The following SP1 variants were observed in gnomAD, a reference collection of about 807,000 sequenced individuals.
The protein encoded by SP1 is Sp1 transcription factor.
A neutral mutation model predicts 66.3 loss-of-function variants in SP1; 6 were observed. The ratio of observed to expected loss-of-function variants is 0.09; its 90% CI spans 0.05 to 0.18. SP1 has a LOEUF of 0.18. SP1 is among the 10% of genes least tolerant of loss of function. The pLI is 1.00. For missense variants in SP1, 848 were observed against 964.5 expected (o/e 0.88, Z 1.60); for synonymous variants, 417 against 360.8 (o/e 1.16, Z -1.77).
At chr12:53,391,812 C>CA (rs1407138530) in intron 3 of SP1, among the ~76,000 whole-genome samples, 4 of 151,110 alleles carry the variant, frequency 2.6e-5, no homozygotes, top group Non-Finnish European at 5.9e-5. Flanking sequence ...CATGAATACT[C>CA]AATGTTTAGC....
chr12:53,410,333 G>C (rs1015258344), intron 5 of SP1, among the ~76,000 whole-genome samples: 2 of 151,848 alleles, frequency 1.3e-5, no homozygotes, highest in Admixed American at 6.6e-5. Context: ...AAAATAAGGA[G>C]CTAGATTTTG....
rs751465283 is a variant in SP1, at chr12:53,382,794, G to A, written c.847G>A (p.Ala283Thr). 1 of 1,614,134 alleles carries A rather than the reference G, an allele frequency of 6.2e-7. No homozygotes were observed. Among genetic ancestry groups the A allele is most frequent in the South Asian group, 1.1e-5 (1 of 91,080 alleles). Residue 283 changes from alanine (A) to threonine (T), a missense_variant, in exon 3 of 6, where the codon GCA becomes ACA. Ala to Thr is a moderately conservative substitution (Grantham distance 58, BLOSUM62 0). Transcript: ENST00000327443. ...AGCTACCTTGACTCCCAGCTCTCAG[G>A]CAGTCACGATCAGCAGCTCTGGGTC... is the stretch of plus-strand genomic sequence containing the variant. Reference protein sequence around the residue: ...SAATLTPSSQAVTISSSGSQE... With the variant: ...SAATLTPSSQTVTISSSGSQE...
At chr12:53,380,745 C>A (rs1267812341) in intron 1 of SP1, 7 of 683,380 alleles carry the variant, frequency 1.0e-5, no homozygotes, top group Non-Finnish European at 1.3e-5. Context: ...TTCCCCCCCG[C>A]CCCCCACCGT....
intron 3 of SP1, among the ~76,000 whole-genome samples, chr12:53,398,651 G>T (rs544732652): frequency 9.4e-4 from 143 of 152,258 alleles, no homozygotes; most frequent in African/African-American, 3.2e-3. Flanking sequence ...GAATAAATAC[G>T]ATGTGAAGGA....
rs1938869998 is a variant in SP1 at position 53,411,027 on chromosome 12, A to G, written c.2145A>G (p.Pro715=). 6.2e-7 allele frequency: 1 copy of G among 1,614,200 alleles called. No individual in the cohort carries two copies. The part of the protein sequence containing the change: ...IKTHQNKKGG[P]GVALSVGTLP... ...CCCACCAGAATAAGAAGGGAGGCCC[A>G]GGTGTAGCTCTGAGTGTGGGCACTT... The change falls in exon 6 of 6, where the codon CCA becomes CCG. Residue 715 remains proline, a synonymous_variant. Coordinates refer to ENST00000327443, the MANE Select transcript of SP1 (RefSeq NM_138473.3).
chr12:53,382,254 G>T lies in SP1; in HGVS notation c.307G>T (p.Gly103Cys). Residue 103 changes from glycine (G) to cysteine (C), a missense_variant, in exon 3 of 6, where the codon GGT becomes TGT. Around this residue, in one of 7 missense-constraint regions of SP1, gnomAD observed 606 missense variants for 589.9 expected, o/e 1.03. Transcript: ENST00000327443. Reference sequence around the variant, plus strand: ...CCTCACAGCCACACAACTTTCACAGGGTGCCAATGGCTGGCAGATCATCTC... The same window carrying T: ...CCTCACAGCCACACAACTTTCACAGTGTGCCAATGGCTGGCAGATCATCTC... ...LDLTATQLSQGANGWQIISSS... is the reference protein window; with the variant it reads ...LDLTATQLSQCANGWQIISSS... 1 of 1,614,164 alleles carries T rather than the reference G, an allele frequency of 6.2e-7. No homozygotes were observed. The highest frequency in any genetic ancestry group is 8.5e-7 in the Non-Finnish European group (1 of 1,180,030).
intron 5 of SP1, 58 bp downstream of exon 5, chr12:53,409,619 A>G (rs1938833033): frequency 7.5e-7 from 1 of 1,338,760 alleles, no homozygotes; most frequent in East Asian, 2.3e-5. Flanking sequence ...AAAACACAAA[A>G]TATACCTACA....
chr12:53,410,883 A>G (rs927864777), intron 5 of SP1, 44 bp from the exon 6 acceptor site: 2 of 1,452,532 alleles, frequency 1.4e-6, no homozygotes, highest in African/African-American at 2.8e-5. Context: ...AGGTAACCTC[A>G]CTTCCTAACA....
rs115315756 is a variant in SP1 at position 53,406,436 on chromosome 12, G to A, written c.1676-149G>A. 746 of 634,890 alleles carry A rather than the reference G, an allele frequency of 1.2e-3. 2 individuals carry two copies. The African/African-American group carries it at 0.013, about 11-fold the overall frequency. 39.3% of individuals were successfully genotyped at this position (634,890 alleles called of 1,614,324 possible). On this transcript the variant is annotated intron_variant, in intron 3 of 5. Coordinates refer to ENST00000327443, the MANE Select transcript of SP1 (RefSeq NM_138473.3). ...TCTTCAGGTGTCAGTGAATGGAATGGCTAAACATAAAAAGGCTTCAAAACT... is the reference window on the plus strand; with the variant it reads ...TCTTCAGGTGTCAGTGAATGGAATGACTAAACATAAAAAGGCTTCAAAACT...
rs1190339534 is a variant in SP1 at position 53,415,172 on chromosome 12, T to C, written c.*3932T>C. ...GCTTTTGAAAACTGCTGATAAAATATGAGCCGGTTATTACTTCTGTTTGGG... is the reference window on the plus strand; with the variant it reads ...GCTTTTGAAAACTGCTGATAAAATACGAGCCGGTTATTACTTCTGTTTGGG... On this transcript the variant is annotated 3_prime_UTR_variant, in exon 6 of 6. Transcript: ENST00000327443. 1 of 152,512 alleles carries C rather than the reference T, an allele frequency of 6.6e-6. No individual in the cohort carries two copies. The highest frequency in any genetic ancestry group is 2.4e-5 in the African/African-American group (1 of 41,412). 9.4% of individuals were successfully genotyped at this position (152,512 alleles called of 1,614,324 possible).
chr12:53,384,715 G>C (rs1358640900), intron 3 of SP1, among the ~76,000 whole-genome samples: 1 of 152,208 alleles, frequency 6.6e-6, no homozygotes, highest in African/African-American at 2.4e-5. Flanking sequence ...GGCCGGGTGT[G>C]GTGGCTCACG....
chr12:53,381,617 T>G, intron 1 of SP1, 42 bp from the exon 2 acceptor site: 1 of 1,549,578 alleles, frequency 6.5e-7, no homozygotes, highest in East Asian at 2.3e-5. Context: ...TCATTTCTTT[T>G]CTTCCCTCAA....
rs146192247 is a variant in SP1 at position 53,415,052 on chromosome 12, C to T, written c.*3812C>T. On this transcript the variant is annotated 3_prime_UTR_variant, in exon 6 of 6. Transcript: ENST00000327443. ...AGAATTTATCTCCCTTAGAAGAGAGCCAGTAACTTATGTACAAGGATGAAA... is the reference window on the plus strand; with the variant it reads ...AGAATTTATCTCCCTTAGAAGAGAGTCAGTAACTTATGTACAAGGATGAAA... 2.0e-5 allele frequency: 3 copies of T among 152,628 alleles called. No individual in the cohort carries two copies. In the East Asian group the frequency reaches 5.8e-4, roughly 29 times the overall value. 9.5% of individuals were successfully genotyped at this position (152,628 alleles called of 1,614,324 possible). A position where few individuals can be genotyped will look rare whatever the true frequency, so the allele number is the denominator to read the frequency against.
chr12:53,400,603 G>A (rs956487181), intron 3 of SP1, among the ~76,000 whole-genome samples: 13 of 151,728 alleles, frequency 8.6e-5, no homozygotes, highest in Non-Finnish European at 1.8e-4. Context: ...TTGTTTTTTG[G>A]GTTGTTTTGA....
At chr12:53,385,153 G>A (rs547332161) in intron 3 of SP1, among the ~76,000 whole-genome samples, 119 of 151,878 alleles carry the variant, frequency 7.8e-4, no homozygotes, top group Non-Finnish European at 1.4e-3. Context: ...AAATTAGCCA[G>A]GCATGGTGAT....
chr12:53,384,888 G>T (rs1938191450), intron 3 of SP1, among the ~76,000 whole-genome samples: 1 of 152,066 alleles, frequency 6.6e-6, no homozygotes, highest in African/African-American at 2.4e-5. Context: ...GGGAGGCTAA[G>T]GCATGAGAAT....
chr12:53,380,647 C>T, intron 1 of SP1: 1 of 994,160 alleles, frequency 1.0e-6, no homozygotes, highest in South Asian at 4.7e-5. Flanking sequence ...GCAGCGAAGG[C>T]CCCGCCCGGG....
chr12:53,393,868 G>A (rs1250910463), intron 3 of SP1, among the ~76,000 whole-genome samples: 1 of 151,622 alleles, frequency 6.6e-6, no homozygotes, highest in East Asian at 2.0e-4. Flanking sequence ...AAAGTGCTGG[G>A]ATTACACTTG....
intron 4 of SP1, among the ~76,000 whole-genome samples, chr12:53,407,172 T>G (rs1007434710): frequency 2.0e-5 from 3 of 150,984 alleles, no homozygotes; most frequent in African/African-American, 7.3e-5. Flanking sequence ...TGGATGCATA[T>G]AATCCCAGCA....
Sources: gnomAD v4.1 joint callset for allele counts (sites outside exome capture counted in the v4.1 genomes callset) on GRCh38, gnomAD v4.1.1 for gene constraint, gnomAD v4.1.1 regional missense constraint, MANE v1.5 for transcripts, NCBI Gene and HGNC (gene_info 2026-07-23, HGNC 2026-07-21) for gene names.